Variants in GADD45G observed in about 807,000 individuals in gnomAD.
GADD45G encodes the protein growth arrest and DNA damage inducible gamma.
GADD45G carries 7 observed loss-of-function variants against 17.3 expected under a neutral mutation model. The ratio of observed to expected loss-of-function variants is 0.41; its 90% CI spans 0.23 to 0.76. The LOEUF is 0.76. GADD45G is among the 30% of genes least tolerant of loss of function. The pLI is 0.34. For synonymous variants in GADD45G, 93 were observed against 94.9 expected (o/e 0.98, Z 0.12); for missense variants, 149 against 219.2 (o/e 0.68, Z 2.02).
rs759232998 is a variant in GADD45G at position 89,605,583 on chromosome 9, C to T, written c.155+50C>T. ...GGGAGACAGGGGCGGGGGTGAATGG[C>T]GAGGAGACTGGCGGATGGGAGGGGT... On this transcript the variant is annotated intron_variant, in intron 2 of 3. Coordinates refer to ENST00000252506, the MANE Select transcript of GADD45G (RefSeq NM_006705.4). The T allele has an allele frequency of 5.8e-6, 9 of 1,555,548 alleles. No individual in the cohort carries two copies. In the Middle Eastern group the frequency reaches 8.4e-4, roughly 145 times the overall value.
intron 1 of GADD45G, 122 bp from the exon 2 acceptor site, chr9:89,605,310 G>T: frequency 9.1e-7 from 1 of 1,101,098 alleles, no homozygotes; most frequent in Admixed American, 2.0e-5. Flanking sequence ...GGGTGCAGGC[G>T]CTGAGCCGGG....
chr9:89,605,956 T>C lies in GADD45G; in HGVS notation c.370-13T>C. The C allele has an allele frequency of 6.2e-7, 1 of 1,605,732 alleles. No homozygotes were observed. Among genetic ancestry groups the C allele is most frequent in the Non-Finnish European group, 8.5e-7 (1 of 1,175,732 alleles). On this transcript the variant is annotated splice_polypyrimidine_tract_variant and intron_variant, in intron 3 of 3. Coordinates refer to ENST00000252506, the MANE Select transcript of GADD45G (RefSeq NM_006705.4). Reference sequence around the variant, plus strand: ...CCGCGGCCAGCCAGGCTGACCCTGCTCTCTCTCCGCAGAACCCCAACGAGG... The same window carrying C: ...CCGCGGCCAGCCAGGCTGACCCTGCCCTCTCTCCGCAGAACCCCAACGAGG...
rs750023036 is a variant in GADD45G at position 89,605,143 on chromosome 9, G to T, written c.22G>T (p.Gly8Cys). The T allele has an allele frequency of 6.2e-7, 1 of 1,613,942 alleles. No homozygotes were observed. The highest frequency in any genetic ancestry group is 1.3e-5 in the African/African-American group (1 of 75,044). The change falls in exon 1 of 4, where the codon GGC (glycine) becomes TGC (cysteine). Residue 8 changes from glycine (G) to cysteine (C), a missense_variant. Physicochemically the swap from Gly to Cys is radical, Grantham distance 159 (BLOSUM62 -3). Transcript: ENST00000252506. ...CACTATGACTCTGGAAGAAGTCCGC[G>T]GCCAGGACACAGTTCCGGAAAGCAC... is the stretch of plus-strand genomic sequence containing the variant. MTLEEVR[G>C]QDTVPESTAR... is the part of the protein sequence containing the mutation.
chr9:89,605,950 CCCT>C lies in GADD45G; in HGVS notation c.370-18_370-16del. 6.2e-7 allele frequency: 1 copy of C among 1,601,430 alleles called. No homozygotes were observed. The highest frequency in any genetic ancestry group is 1.1e-5 in the South Asian group (1 of 89,488). On this transcript the variant is annotated splice_polypyrimidine_tract_variant and intron_variant, in intron 3 of 3. Coordinates refer to ENST00000252506, the MANE Select transcript of GADD45G (RefSeq NM_006705.4). ...CTCGGCCCGCGGCCAGCCAGGCTGACCCTGCTCTCTCTCCGCAGAACCCCAACG... is the reference window on the plus strand; with the variant it reads ...CTCGGCCCGCGGCCAGCCAGGCTGACGCTCTCTCTCCGCAGAACCCCAACG...
Position 89,606,365 on chromosome 9 carries a change from G to A in GADD45G, c.*286G>A, listed in dbSNP as rs975794602. 1.3e-5 allele frequency: 6 copies of A among 478,946 alleles called. No homozygotes were observed. Among genetic ancestry groups the A allele is most frequent in the African/African-American group, 1.0e-4 (5 of 50,134 alleles). The allele number at this position is 478,946 out of a possible 1,614,324, so 29.7% of individuals were successfully genotyped here. A position where few individuals can be genotyped will look rare whatever the true frequency, so the allele number is the denominator to read the frequency against. ...CCTCAGGGCCAGGAAGGACAGACTG[G>A]CCGGGCAGGCGTGACTCAGCAGCCT... On this transcript the variant is annotated 3_prime_UTR_variant, in exon 4 of 4. Coordinates refer to ENST00000252506, the MANE Select transcript of GADD45G (RefSeq NM_006705.4).
In GADD45G at chr9:89,605,404, C is replaced by G. The variant is rs753177392; in HGVS notation, c.54-28C>G. On this transcript the variant is annotated intron_variant, in intron 1 of 3. Coordinates refer to ENST00000252506, the MANE Select transcript of GADD45G (RefSeq NM_006705.4). ...TCTCCGCCGCGCCCTCCGGCCGGCT[C>G]CCGCTCACTGCGCTGGCTCCTCCGC... The G allele has an allele frequency of 1.2e-5, 18 of 1,515,148 alleles. No homozygotes were observed. The South Asian group carries it at 2.0e-4, about 17-fold the overall frequency. The allele number at this position is 1,515,148 out of a possible 1,614,324, so 93.9% of individuals were successfully genotyped here.
rs543245547 is a variant in GADD45G at position 89,606,383 on chromosome 9, A to G, written c.*304A>G. On this transcript the variant is annotated 3_prime_UTR_variant, in exon 4 of 4. Coordinates refer to ENST00000252506, the MANE Select transcript of GADD45G (RefSeq NM_006705.4). ...CAGACTGGCCGGGCAGGCGTGACTCAGCAGCCTGCGCTCGGCAGGAAGGAG... is the reference window on the plus strand; with the variant it reads ...CAGACTGGCCGGGCAGGCGTGACTCGGCAGCCTGCGCTCGGCAGGAAGGAG... 2.3e-5 allele frequency: 10 copies of G among 442,922 alleles called. No individual in the cohort carries two copies. The East Asian group carries it at 4.0e-4, about 18-fold the overall frequency. The allele number at this position is 442,922 out of a possible 1,614,324, so 27.4% of individuals were successfully genotyped here.
In GADD45G at chr9:89,605,821, A is replaced by G. The variant is rs779652554; in HGVS notation, c.310A>G (p.Ile104Val). The change falls in exon 3 of 4, where the codon ATC (isoleucine) becomes GTC (valine). Residue 104 changes from isoleucine to valine, a missense_variant. Around this residue, in one of 3 missense-constraint regions of GADD45G, gnomAD observed 73 missense variants for 84.3 expected, o/e 0.87. Transcript: ENST00000252506. ...RVGDVQRLAA[I>V]VGAGEEAGAP... ...GGGCGATGTGCAGCGGCTGGCGGCT[A>G]TCGTGGGCGCCGGCGAGGAGGCGGG... is the stretch of plus-strand genomic sequence containing the variant. The G allele has an allele frequency of 3.7e-6, 6 of 1,613,392 alleles. No individual in the cohort carries two copies. The South Asian group carries it at 6.6e-5, about 18-fold the overall frequency.
chr9:89,605,822 T>C lies in GADD45G; in HGVS notation c.311T>C (p.Ile104Thr). Residue 104 changes from isoleucine (I) to threonine (T), a missense_variant, in exon 3 of 4, where the codon ATC (isoleucine) becomes ACC (threonine). Physicochemically the swap from Ile to Thr is moderately conservative, Grantham distance 89. Coordinates refer to ENST00000252506, the MANE Select transcript of GADD45G (RefSeq NM_006705.4). ...GGCGATGTGCAGCGGCTGGCGGCTATCGTGGGCGCCGGCGAGGAGGCGGGT... is the reference window on the plus strand; with the variant it reads ...GGCGATGTGCAGCGGCTGGCGGCTACCGTGGGCGCCGGCGAGGAGGCGGGT... ...RVGDVQRLAA[I>T]VGAGEEAGAP... 6.2e-7 allele frequency: 1 copy of C among 1,613,372 alleles called. No homozygotes were observed. Among genetic ancestry groups the C allele is most frequent in the East Asian group, 2.2e-5 (1 of 44,862 alleles).
At position 89,605,057 on chromosome 9, in the gene GADD45G, T is replaced by G; in HGVS notation, c.-65T>G. 7.8e-7 allele frequency: 1 copy of G among 1,281,188 alleles called. No homozygotes were observed. The highest frequency in any genetic ancestry group is 1.1e-6 in the Non-Finnish European group (1 of 892,222). 79.4% of individuals were successfully genotyped at this position (1,281,188 alleles called of 1,614,324 possible). ...CGCCGTGCTGAGCTCTGGCTGTCAG[T>G]GTGTTCGCCCGCGTCCCCTCCGCGC... is the stretch of plus-strand genomic sequence containing the variant. On this transcript the variant is annotated 5_prime_UTR_variant, in exon 1 of 4. Transcript: ENST00000252506.
At chr9:89,605,333 T>A in intron 1 of GADD45G, 99 bp from the exon 2 acceptor site, 1 of 1,112,704 alleles carries the variant, frequency 9.0e-7, no homozygotes, top group Non-Finnish European at 1.3e-6. Context: ...TGGAGTGTGG[T>A]TGGAGTTGGG....
Position 89,606,110 on chromosome 9 carries a change from G to C in GADD45G, c.*31G>C, listed in dbSNP as rs749808520. The C allele has an allele frequency of 5.3e-6, 8 of 1,514,100 alleles. No homozygotes were observed. The highest frequency in any genetic ancestry group is 3.6e-6 in the Non-Finnish European group (4 of 1,100,266). The allele number at this position is 1,514,100 out of a possible 1,614,324, so 93.8% of individuals were successfully genotyped here. On this transcript the variant is annotated 3_prime_UTR_variant, in exon 4 of 4. Coordinates refer to ENST00000252506, the MANE Select transcript of GADD45G (RefSeq NM_006705.4). Reference sequence around the variant, plus strand: ...CGGCGGGGACCTTGGTCTGATCGACGTGGTGACGCCCCGGGGCGCCTAGAG... The same window carrying C: ...CGGCGGGGACCTTGGTCTGATCGACCTGGTGACGCCCCGGGGCGCCTAGAG...
At position 89,605,996 on chromosome 9, in the gene GADD45G, C is replaced by G; in HGVS notation, c.397C>G (p.Pro133Ala). The G allele has an allele frequency of 6.2e-7, 1 of 1,613,588 alleles. No homozygotes were observed. Among genetic ancestry groups the G allele is most frequent in the African/African-American group, 1.3e-5 (1 of 75,054 alleles). Residue 133 changes from proline (P) to alanine (A), a missense_variant, in exon 4 of 4, where the codon CCC (proline) becomes GCC (alanine). Coordinates refer to ENST00000252506, the MANE Select transcript of GADD45G (RefSeq NM_006705.4). ...SNPNEDAWKD[P>A]ALEKLSLFCE... ...CCCCAACGAGGACGCCTGGAAGGATCCCGCCTTGGAGAAGCTCAGCCTGTT... is the reference window on the plus strand; with the variant it reads ...CCCCAACGAGGACGCCTGGAAGGATGCCGCCTTGGAGAAGCTCAGCCTGTT...
rs767578713 is a variant in GADD45G, at chr9:89,605,084, C to T, written c.-38C>T. 13 of 1,587,408 alleles carry T rather than the reference C, an allele frequency of 8.2e-6. No individual in the cohort carries two copies. Among genetic ancestry groups the T allele is most frequent in the Non-Finnish European group, 1.0e-5 (12 of 1,157,608 alleles). ...TGTTCGCCCGCGTCCCCTCCGCGCT[C>T]TCCGCTTGTGGATAACTAGCTGCTG... On this transcript the variant is annotated 5_prime_UTR_variant, in exon 1 of 4. Coordinates refer to ENST00000252506, the MANE Select transcript of GADD45G (RefSeq NM_006705.4).
At chr9:89,605,262 C>T in intron 1 of GADD45G, 88 bp downstream of exon 1, 6 of 1,264,760 alleles carry the variant, frequency 4.7e-6, no homozygotes, top group Non-Finnish European at 6.8e-6. Context: ...AGGAGGGGAG[C>T]GCGGGGGTCC....
At position 89,606,179 on chromosome 9, in the gene GADD45G, C is replaced by A; in HGVS notation, c.*100C>A. ...GGGGCCCTCCGAGGGTGCCCGAGTG[C>A]GGCGTGGAGACTGGCAGGCGGGGGG... On this transcript the variant is annotated 3_prime_UTR_variant, in exon 4 of 4. Coordinates refer to ENST00000252506, the MANE Select transcript of GADD45G (RefSeq NM_006705.4). The A allele has an allele frequency of 1.2e-6, 1 of 869,102 alleles. No individual in the cohort carries two copies. The highest frequency in any genetic ancestry group is 2.3e-5 in the Admixed American group (1 of 44,350). 53.8% of individuals were successfully genotyped at this position (869,102 alleles called of 1,614,324 possible).
chr9:89,606,377 T>A lies in GADD45G; in HGVS notation c.*298T>A, dbSNP rs922608113. The A allele has an allele frequency of 4.4e-6, 2 of 456,668 alleles. No individual in the cohort carries two copies. The highest frequency in any genetic ancestry group is 4.0e-5 in the African/African-American group (2 of 49,414). The allele number at this position is 456,668 out of a possible 1,614,324, so 28.3% of individuals were successfully genotyped here. ...GAAGGACAGACTGGCCGGGCAGGCG[T>A]GACTCAGCAGCCTGCGCTCGGCAGG... On this transcript the variant is annotated 3_prime_UTR_variant, in exon 4 of 4. Transcript: ENST00000252506.
intron 1 of GADD45G, 122 bp from the exon 2 acceptor site, chr9:89,605,310 G>A: frequency 1.8e-6 from 2 of 1,101,098 alleles, no homozygotes; most frequent in Non-Finnish European, 2.7e-6. Flanking sequence ...GGGTGCAGGC[G>A]CTGAGCCGGG....
At chr9:89,605,932 C>A in intron 3 of GADD45G, 37 bp from the exon 4 acceptor site, 1 of 1,591,012 alleles carries the variant, frequency 6.3e-7, no homozygotes, top group East Asian at 2.3e-5. Flanking sequence ...CGCCTCGGCC[C>A]GCGGCCAGCC....
Sources: gnomAD v4.1 joint callset for allele counts on GRCh38, gnomAD v4.1.1 for gene constraint, gnomAD v4.1.1 regional missense constraint, MANE v1.5 for transcripts, NCBI Gene and HGNC (gene_info 2026-07-23, HGNC 2026-07-21) for gene names.